Variants in ADGRL2 observed in about 807,000 individuals in gnomAD.
ADGRL2 encodes calcium-independent alpha-latrotoxin receptor 2.
ADGRL2 carries 44 observed loss-of-function variants against 157.4 expected under a neutral mutation model. The observed-to-expected ratio is 0.28, with a 90% CI of 0.22 to 0.36. The LOEUF (loss-of-function observed/expected upper bound fraction) is 0.36, where lower values mean the gene tolerates loss of function less well. Ranked by LOEUF, ADGRL2 falls within the 10% of genes least tolerant of loss-of-function variation. The probability of loss-of-function intolerance (pLI) is 1.00; values close to 1 mark genes in which losing one functional copy is unlikely to be tolerated. For missense variants in ADGRL2, 1,510 were observed against 1,768.9 expected (o/e 0.85, Z 2.63); for synonymous variants, 585 against 624.7 (o/e 0.94, Z 0.95).
At chr1:81,496,896 A>G (rs1468211958) in intron 2 of ADGRL2, among the ~76,000 whole-genome samples, 1 of 151,700 alleles carries the variant, frequency 6.6e-6, no homozygotes, top group African/African-American at 2.4e-5. Context: ...AAAACAATAT[A>G]TTTTTTTTCC....
intron 2 of ADGRL2, among the ~76,000 whole-genome samples, chr1:81,450,108 C>T (rs1462209919): frequency 6.6e-6 from 1 of 152,132 alleles, no homozygotes; most frequent in East Asian, 1.9e-4. Context: ...AAAGCTGGTG[C>T]CAGTGACTTT....
At chr1:81,662,556 T>C (rs565770819) in intron 3 of ADGRL2, among the ~76,000 whole-genome samples, 21 of 147,026 alleles carry the variant, frequency 1.4e-4, no homozygotes, top group Middle Eastern at 3.5e-3. Flanking sequence ...GTTCATTCTT[T>C]CTTTTTTTTT....
At chr1:81,915,734 T>C (rs1033280715) in intron 3 of ADGRL2, among the ~76,000 whole-genome samples, 4 of 152,198 alleles carry the variant, frequency 2.6e-5, no homozygotes, top group African/African-American at 9.6e-5. Context: ...GTGATTTTGC[T>C]TCAGTTTTTA....
At chr1:81,436,308 A>G (rs528018276) in intron 1 of ADGRL2, among the ~76,000 whole-genome samples, 7 of 152,276 alleles carry the variant, frequency 4.6e-5, no homozygotes, top group Admixed American at 3.3e-4. Flanking sequence ...TTTGTTCTAG[A>G]GGGGACTTAC....
intron 6 of ADGRL2, among the ~76,000 whole-genome samples, chr1:81,945,881 TC>T (rs1320159254): frequency 1.4e-4 from 21 of 152,042 alleles, no homozygotes; most frequent in Non-Finnish European, 2.6e-4. Context: ...TCTCTCTCTC[TC>T]TCTCTCTTTG....
chr1:81,768,852 A>T (rs1326842255), intron 2 of ADGRL2, among the ~76,000 whole-genome samples: 1 of 152,088 alleles, frequency 6.6e-6, no homozygotes, highest in Non-Finnish European at 1.5e-5. Flanking sequence ...AGGTCGAGGC[A>T]GGCAGATCAC....
intron 2 of ADGRL2, among the ~76,000 whole-genome samples, chr1:81,857,806 A>T (rs2093254587): frequency 6.6e-6 from 1 of 152,118 alleles, no homozygotes; most frequent in Non-Finnish European, 1.5e-5. Context: ...TTAAAAATCC[A>T]TTTTTTGGCA....
chr1:81,523,626 G>A (rs954519294), intron 2 of ADGRL2, among the ~76,000 whole-genome samples: 32 of 152,024 alleles, frequency 2.1e-4, no homozygotes, highest in Admixed American at 1.8e-3. Flanking sequence ...AATACAAATC[G>A]AAATCACCCA....
chr1:81,839,607 A>G (rs1301293141), intron 2 of ADGRL2, among the ~76,000 whole-genome samples: 2 of 151,718 alleles, frequency 1.3e-5, no homozygotes, highest in Non-Finnish European at 2.9e-5. Flanking sequence ...CTTAGCTCCT[A>G]CATATCAGTG....
At chr1:81,574,412 T>C (rs1466615073) in intron 2 of ADGRL2, among the ~76,000 whole-genome samples, 1 of 152,170 alleles carries the variant, frequency 6.6e-6, no homozygotes, top group Non-Finnish European at 1.5e-5. Flanking sequence ...TCCCAGATTA[T>C]AATTGGGCAT....
At chr1:81,665,873 T>G (rs529741929) in intron 3 of ADGRL2, among the ~76,000 whole-genome samples, 1 of 152,262 alleles carries the variant, frequency 6.6e-6, no homozygotes, top group Admixed American at 6.5e-5. Context: ...TGGTTCCATG[T>G]AATTCTCCAC....
At chr1:81,771,066 A>G (rs993282535) in intron 2 of ADGRL2, among the ~76,000 whole-genome samples, 16 of 152,142 alleles carry the variant, frequency 1.1e-4, no homozygotes, top group African/African-American at 3.9e-4. Context: ...ATACTCTAGT[A>G]ACTAGACCTC....
At chr1:81,367,473 T>A (rs962549804) in intron 1 of ADGRL2, among the ~76,000 whole-genome samples, 1 of 152,208 alleles carries the variant, frequency 6.6e-6, no homozygotes, top group Non-Finnish European at 1.5e-5. Context: ...ATGTGGTGTT[T>A]GGTTTTCTGT....
At chr1:81,891,497 T>A (rs2094263202) in intron 2 of ADGRL2, among the ~76,000 whole-genome samples, 1 of 152,176 alleles carries the variant, frequency 6.6e-6, no homozygotes, top group South Asian at 2.1e-4. Context: ...AAACAAATCC[T>A]TGGTAATTTG....
rs74571427 is a variant in ADGRL2, at chr1:81,993,548, A to T, written c.*2403A>T. Among the ~76,000 whole-genome samples, 5,282 of 152,216 alleles carry T rather than the reference A, an allele frequency of 0.035. 252 individuals are homozygous for T. Among genetic ancestry groups the T allele is most frequent in the African/African-American group, 0.11 (4,556 of 41,494 alleles). On this transcript the variant is annotated 3_prime_UTR_variant, in exon 24 of 24. Transcript: ENST00000686636. The stretch of plus-strand genomic sequence containing the variant: ...ATGGCTACTGTTCTCTAACGTCTTT[A>T]TCCTATGGATTCAATTTGGAAGCCA...
chr1:81,584,709 C>T (rs765243436), intron 3 of ADGRL2, among the ~76,000 whole-genome samples: 1 of 152,072 alleles, frequency 6.6e-6, no homozygotes, highest in Non-Finnish European at 1.5e-5. Flanking sequence ...CAACATAGCA[C>T]AGTTGGCAAT....
At chr1:81,623,617 C>G (rs1225389796) in intron 3 of ADGRL2, among the ~76,000 whole-genome samples, 2 of 150,602 alleles carry the variant, frequency 1.3e-5, no homozygotes, top group African/African-American at 4.9e-5. Flanking sequence ...GGCCCTAAAT[C>G]CAATGACTGA....
At chr1:81,332,064 G>A (rs1570641581) in intron 1 of ADGRL2, among the ~76,000 whole-genome samples, 1 of 152,196 alleles carries the variant, frequency 6.6e-6, no homozygotes, top group African/African-American at 2.4e-5. Flanking sequence ...ACGTTTGTAT[G>A]TGACAAATGG....
chr1:81,410,530 C>T (rs1324730321), intron 1 of ADGRL2, among the ~76,000 whole-genome samples: 1 of 152,170 alleles, frequency 6.6e-6, no homozygotes, highest in Non-Finnish European at 1.5e-5. Flanking sequence ...AATCAGGTTG[C>T]AGGCAAGAAA....
Sources: allele counts gnomAD v4.1 joint callset (sites outside exome capture counted in the v4.1 genomes callset), GRCh38; gene constraint gnomAD v4.1.1; transcripts MANE v1.5; gene names NCBI Gene and HGNC (gene_info 2026-07-23, HGNC 2026-07-21).